The following ADGRV1 variants were observed in gnomAD, a reference collection of about 807,000 sequenced individuals.
ADGRV1 encodes adhesion G protein-coupled receptor V1, also known as G-protein coupled receptor 98.
Under a neutral mutation model 596.2 loss-of-function variants are expected in ADGRV1, and 359 were observed. The ratio of observed to expected loss-of-function variants is 0.60; its 90% confidence interval spans 0.55 to 0.66. The LOEUF (loss-of-function observed/expected upper bound fraction) is 0.66. Among genes scored for constraint, ADGRV1 ranks in the 30% least tolerant of loss-of-function variants. The probability of loss-of-function intolerance (pLI) is 0.00; values close to 1 mark genes in which losing one functional copy is unlikely to be tolerated. For synonymous variants in ADGRV1, 2,681 were observed against 2,679.2 expected, an observed-to-expected ratio of 1.00 and a Z score of -0.02; for missense variants, 7,274 against 7,575.6, an observed-to-expected ratio of 0.96 and a Z score of 1.48.
chr5:90,754,775 T>A (rs1439913908), intron 54 of ADGRV1, among the ~76,000 whole-genome samples: 1 of 152,124 alleles, frequency 6.6e-6, no homozygotes, highest in African/African-American at 2.4e-5. Context: ...GATATAATGC[T>A]AGGAGTGGAT....
chr5:91,103,698 G>A (rs1162046070), intron 87 of ADGRV1, among the ~76,000 whole-genome samples: 2 of 151,920 alleles, frequency 1.3e-5, no homozygotes, highest in African/African-American at 4.8e-5. Flanking sequence ...GGCTTTTTTT[G>A]AAGGCAGTAT....
At chr5:90,911,851 TGTCATG>T (rs1772918589) in intron 83 of ADGRV1, among the ~76,000 whole-genome samples, 1 of 152,142 alleles carries the variant, frequency 6.6e-6, no homozygotes, top group African/African-American at 2.4e-5. Context: ...AAGTAGAAAC[TGTCATG>T]GTCCCACAGT....
At chr5:90,823,215 A>G (rs987668650) in intron 75 of ADGRV1, among the ~76,000 whole-genome samples, 33 of 152,240 alleles carry the variant, frequency 2.2e-4, no homozygotes, top group Non-Finnish European at 5.9e-5. Context: ...AAAGAAAACC[A>G]CATAAGCCCT....
At chr5:90,595,509 G>C (rs1348299231) in intron 1 of ADGRV1, among the ~76,000 whole-genome samples, 2 of 117,338 alleles carry the variant, frequency 1.7e-5, no homozygotes, top group Non-Finnish European at 3.6e-5. Context: ...CAGTAGGGGC[G>C]GCCGGGCAGA....
chr5:90,673,579 C>G (rs1772799723), intron 22 of ADGRV1, among the ~76,000 whole-genome samples: 1 of 151,938 alleles, frequency 6.6e-6, no homozygotes, highest in Non-Finnish European at 1.5e-5. Context: ...GAGCAGGGTG[C>G]CTGTAGATTC....
intron 83 of ADGRV1, among the ~76,000 whole-genome samples, chr5:90,950,197 A>G (rs1207013833): frequency 2.0e-5 from 3 of 152,194 alleles, no homozygotes; most frequent in African/African-American, 7.2e-5. Context: ...ATATATTAGT[A>G]TATCTCTCTT....
chr5:90,839,307 C>T lies in ADGRV1; in HGVS notation c.16612-1271C>T, dbSNP rs1483613064. ...TCAGCTCACTGCAACGTCTGCCTCCCGGATTCAAGCGATTCTCCTGCCGCA... is the reference window on the plus strand; with the variant it reads ...TCAGCTCACTGCAACGTCTGCCTCCTGGATTCAAGCGATTCTCCTGCCGCA... On this transcript the variant is annotated intron_variant, in intron 77 of 89. Coordinates refer to ENST00000405460, the MANE Select transcript of ADGRV1 (RefSeq NM_032119.4). Among the ~76,000 whole-genome samples the T allele has an allele frequency of 3.9e-5, 6 of 152,262 alleles. No homozygotes were observed. The East Asian group carries it at 5.8e-4, about 15-fold the overall frequency.
intron 84 of ADGRV1, among the ~76,000 whole-genome samples, chr5:90,969,578 A>T (rs1280434551): frequency 6.6e-6 from 1 of 152,214 alleles, no homozygotes; most frequent in African/African-American, 2.4e-5. Flanking sequence ...CACAGTGCAA[A>T]GCGAGGATGT....
chr5:90,950,001 A>G (rs1776923169), intron 83 of ADGRV1, among the ~76,000 whole-genome samples: 2 of 152,304 alleles, frequency 1.3e-5, no homozygotes, highest in Middle Eastern at 6.8e-3. Flanking sequence ...TGGTTTGTCC[A>G]TGATCCCTAT....
intron 85 of ADGRV1, among the ~76,000 whole-genome samples, chr5:91,016,097 T>C (rs1367773713): frequency 2.0e-5 from 3 of 152,052 alleles, no homozygotes; most frequent in Non-Finnish European, 4.4e-5. Context: ...TTGAAAAAGA[T>C]CTTATTTCTC....
At chr5:90,687,110 A>G (rs1309189455) in intron 29 of ADGRV1, among the ~76,000 whole-genome samples, 1 of 152,122 alleles carries the variant, frequency 6.6e-6, no homozygotes, top group Non-Finnish European at 1.5e-5. Context: ...TCTGGATATT[A>G]GCCCTTTGTC....
intron 89 of ADGRV1, among the ~76,000 whole-genome samples, chr5:91,161,507 A>AG (rs1390882316): frequency 4.1e-5 from 2 of 49,242 alleles, no homozygotes; most frequent in Non-Finnish European, 1.0e-4. Flanking sequence ...TGTTTTTGTT[A>AG]GTTTTTTTTT....
chr5:90,830,029 A>C (rs1764395822), intron 77 of ADGRV1, among the ~76,000 whole-genome samples: 1 of 152,284 alleles, frequency 6.6e-6, no homozygotes, highest in East Asian at 1.9e-4. Flanking sequence ...TTTCATTAAA[A>C]GTTCCCTTTA....
chr5:90,989,153 C>T (rs1780752094), intron 85 of ADGRV1, among the ~76,000 whole-genome samples: 1 of 151,912 alleles, frequency 6.6e-6, no homozygotes, highest in Admixed American at 6.6e-5. Flanking sequence ...TGGGTATATA[C>T]CCAGTAATGG....
chr5:90,942,828 A>G (rs1776272836), intron 83 of ADGRV1, among the ~76,000 whole-genome samples: 1 of 152,180 alleles, frequency 6.6e-6, no homozygotes, highest in Non-Finnish European at 1.5e-5. Flanking sequence ...TACACCCATA[A>G]CTATGTAGGA....
intron 1 of ADGRV1, among the ~76,000 whole-genome samples, chr5:90,606,311 C>G (rs185246964): frequency 1.9e-4 from 29 of 152,226 alleles, no homozygotes; most frequent in African/African-American, 6.0e-4. Flanking sequence ...TCTCATTACT[C>G]TAAGATGGTG....
chr5:91,024,714 A>T (rs74448718), intron 85 of ADGRV1, among the ~76,000 whole-genome samples: 3 of 152,142 alleles, frequency 2.0e-5, no homozygotes, highest in Non-Finnish European at 4.4e-5. Flanking sequence ...CGTTCTCCAT[A>T]GGGTTTAGAA....
At chr5:90,711,122 A>G in intron 40 of ADGRV1, 62 bp from the exon 41 acceptor site, 2 of 1,578,998 alleles carry the variant, frequency 1.3e-6, no homozygotes, top group East Asian at 2.2e-5. Context: ...TCTACCAAAT[A>G]AAAGTTTCTA....
At chr5:90,638,499 G>C (rs7729437) in intron 11 of ADGRV1, among the ~76,000 whole-genome samples, 2,741 of 150,840 alleles carry the variant, frequency 0.018, 79 homozygotes, top group African/African-American at 0.063. Context: ...ATTTCTCAGT[G>C]GGTAATTTAT....
Sources: allele counts gnomAD v4.1 joint callset (sites outside exome capture counted in the v4.1 genomes callset), GRCh38; gene constraint gnomAD v4.1.1; transcripts MANE v1.5; gene names NCBI Gene and HGNC (gene_info 2026-07-23, HGNC 2026-07-21).